The following RARB variants were observed in gnomAD, a reference collection of about 807,000 sequenced individuals.
The protein encoded by RARB is HBV-activated protein.
Under a neutral mutation model 51.9 loss-of-function variants are expected in RARB, and 17 were observed. The observed-to-expected ratio is 0.33, with a 90% CI of 0.22 to 0.49. RARB has a LOEUF of 0.49. RARB is among the 20% of genes least tolerant of loss of function. The probability of loss-of-function intolerance (pLI) is 0.99; values close to 1 mark genes in which losing one functional copy is unlikely to be tolerated. For missense variants in RARB, 369 were observed against 550.8 expected (o/e 0.67, Z 3.30); for synonymous variants, 215 against 195.4 (o/e 1.10, Z -0.84).
At chr3:25,212,533 G>T (rs543841116) in intron 5 of RARB, among the ~76,000 whole-genome samples, 2 of 152,258 alleles carry the variant, frequency 1.3e-5, no homozygotes, top group South Asian at 4.2e-4. Context: ...CAGAAGGATC[G>T]CTTGAACCCA....
chr3:25,423,384 T>A (rs1707910052), upstream of RARB, among the ~76,000 whole-genome samples: 1 of 152,232 alleles, frequency 6.6e-6, no homozygotes, highest in Non-Finnish European at 1.5e-5. Flanking sequence ...AACTTATTTT[T>A]TAAATGAGGT....
chr3:25,535,517 C>A (rs1699105080), intron 3 of RARB, among the ~76,000 whole-genome samples: 1 of 151,838 alleles, frequency 6.6e-6, no homozygotes, highest in Non-Finnish European at 1.5e-5. Flanking sequence ...CCCATCAGCC[C>A]CTCATCTTCA....
In RARB at chr3:25,521,255, G is replaced by A. The variant is rs1024831465; in HGVS notation, c.448+19932G>A. Among the ~76,000 whole-genome samples, 10 of 152,170 alleles carry A rather than the reference G, an allele frequency of 6.6e-5. 1 individual carries two copies. The highest frequency in any genetic ancestry group is 3.9e-4 in the East Asian group (2 of 5,178). ...GCTCTTGTCACGGTAGAACTTCCCC[G>A]GCCTACTTAGCTTTCAAACTTTGCG... On this transcript the variant is annotated intron_variant, in intron 3 of 7. Coordinates refer to ENST00000330688, the MANE Select transcript of RARB (RefSeq NM_000965.5).
chr3:25,333,881 A>T (rs1482949825), intron 5 of RARB, among the ~76,000 whole-genome samples: 1 of 152,200 alleles, frequency 6.6e-6, no homozygotes, highest in Non-Finnish European at 1.5e-5. Flanking sequence ...ATGAACAGAC[A>T]CTTCTCAAAA....
At chr3:25,305,863 A>C (rs1309495284) in intron 5 of RARB, among the ~76,000 whole-genome samples, 1 of 152,156 alleles carries the variant, frequency 6.6e-6, no homozygotes, top group East Asian at 1.9e-4. Flanking sequence ...AATGTAAGGG[A>C]TTGGTTATTT....
At chr3:25,028,194 C>T (rs4437100) in intron 2 of RARB, among the ~76,000 whole-genome samples, 14,100 of 152,226 alleles carry the variant, frequency 0.093, 852 homozygotes, top group South Asian at 0.19. Flanking sequence ...CATTAGAATG[C>T]AATTCTCAGG....
chr3:24,888,722 T>C (rs1047685561), intron 2 of RARB, among the ~76,000 whole-genome samples: 1 of 152,192 alleles, frequency 6.6e-6, no homozygotes, highest in Non-Finnish European at 1.5e-5. Flanking sequence ...GATATAAATA[T>C]GTCTGCTATA....
At chr3:25,296,516 A>T (rs1311425873) in intron 5 of RARB, among the ~76,000 whole-genome samples, 1 of 152,180 alleles carries the variant, frequency 6.6e-6, no homozygotes, top group African/African-American at 2.4e-5. Flanking sequence ...AAATGAGTTC[A>T]TACATGAATA....
chr3:25,444,061 A>G (rs1478427653), intron 1 of RARB, among the ~76,000 whole-genome samples: 1 of 152,216 alleles, frequency 6.6e-6, no homozygotes, highest in African/African-American at 2.4e-5. Flanking sequence ...AAGTAAAACA[A>G]TCACTATCAT....
intron 2 of RARB, among the ~76,000 whole-genome samples, chr3:24,863,214 A>C (rs893669599): frequency 2.6e-5 from 4 of 152,196 alleles, no homozygotes; most frequent in African/African-American, 9.7e-5. Flanking sequence ...AAAGATCCGT[A>C]CTAACAGAGC....
intron 5 of RARB, among the ~76,000 whole-genome samples, chr3:25,334,317 G>C (rs1245977858): frequency 6.6e-6 from 1 of 152,154 alleles, no homozygotes; most frequent in Non-Finnish European, 1.5e-5. Context: ...AGAAAATGTG[G>C]CACATATACA....
chr3:24,969,151 A>G (rs958766340), intron 2 of RARB, among the ~76,000 whole-genome samples: 1 of 152,172 alleles, frequency 6.6e-6, no homozygotes, highest in Non-Finnish European at 1.5e-5. Context: ...GTATATAAAT[A>G]TTACATAAAT....
At chr3:25,225,723 C>T (rs938072156) in intron 5 of RARB, among the ~76,000 whole-genome samples, 8 of 152,218 alleles carry the variant, frequency 5.3e-5, no homozygotes, top group East Asian at 1.9e-4. Context: ...CTCACATATA[C>T]GCACACGTAT....
At chr3:25,594,823 T>C (rs1159397265) in intron 7 of RARB, 145 bp downstream of exon 7, 2 of 643,576 alleles carry the variant, frequency 3.1e-6, no homozygotes, top group Non-Finnish European at 4.5e-6. Flanking sequence ...AAGGAAATAC[T>C]ATCCCTCCCC....
chr3:24,899,715 A>G (rs1253166684), intron 2 of RARB, among the ~76,000 whole-genome samples: 1 of 152,196 alleles, frequency 6.6e-6, no homozygotes, highest in African/African-American at 2.4e-5. Context: ...AATTAAAGTC[A>G]TTTATCCCAG....
intron 3 of RARB, among the ~76,000 whole-genome samples, chr3:25,078,186 T>G (rs565622944): frequency 1.8e-4 from 28 of 152,280 alleles, no homozygotes; most frequent in Admixed American, 9.8e-4. Flanking sequence ...TTTTCTATTC[T>G]AAGAAATCTT....
At chr3:24,889,389 G>GTT (rs1703330896) in intron 2 of RARB, among the ~76,000 whole-genome samples, 1 of 152,072 alleles carries the variant, frequency 6.6e-6, no homozygotes, top group African/African-American at 2.4e-5. Flanking sequence ...AAAATGATGT[G>GTT]TTTGCAACCT....
chr3:25,085,880 C>G (rs1395859707), intron 3 of RARB, among the ~76,000 whole-genome samples: 1 of 152,102 alleles, frequency 6.6e-6, no homozygotes, highest in African/African-American at 2.4e-5. Context: ...GCTGCTGTAA[C>G]AAATAGACCA....
intron 5 of RARB, among the ~76,000 whole-genome samples, chr3:25,232,973 C>CTTTTTTTTTTTTTTTT (rs71061205): frequency 8.4e-5 from 10 of 118,770 alleles, no homozygotes; most frequent in African/African-American, 1.9e-4. Context: ...TTTTCTTTTT[C>CTTTTTTTTTTTTTTTT]TTTTTTTTTT....
Sources: gnomAD v4.1 joint callset for allele counts (sites outside exome capture counted in the v4.1 genomes callset) on GRCh38, gnomAD v4.1.1 for gene constraint, MANE v1.5 for transcripts, NCBI Gene and HGNC (gene_info 2026-07-23, HGNC 2026-07-21) for gene names.